The following MYO18A variants were observed in gnomAD, a reference collection of about 807,000 sequenced individuals.
The protein encoded by MYO18A is myosin XVIIIA.
In MYO18A, 78 loss-of-function variants were observed where a neutral mutation model predicts 235.8. The ratio of observed to expected loss-of-function variants is 0.33; its 90% CI spans 0.28 to 0.40. MYO18A has a LOEUF of 0.40. MYO18A is among the 10% of genes least tolerant of loss of function. The probability of loss-of-function intolerance (pLI) is 1.00; values close to 1 mark genes in which losing one functional copy is unlikely to be tolerated. For missense variants in MYO18A, 2,215 were observed against 2,699.3 expected, an observed-to-expected ratio of 0.82 and a Z score of 3.98; for synonymous variants, 977 against 1,077.8, an observed-to-expected ratio of 0.91 and a Z score of 1.83.
intron 28 of MYO18A, 105 bp from the exon 29 acceptor site, chr17:29,095,164 G>A: frequency 7.0e-7 from 1 of 1,430,220 alleles, no homozygotes; most frequent in Non-Finnish European, 9.2e-7. Flanking sequence ...CAGGGGTGGG[G>A]GGACCCATGC....
chr17:29,127,390 G>A (rs138671846), intron 2 of MYO18A, among the ~76,000 whole-genome samples: 4 of 152,296 alleles, frequency 2.6e-5, no homozygotes, highest in Non-Finnish European at 5.9e-5. Context: ...AAGAAATTTT[G>A]GACCTGTATT....
At chr17:29,163,661 G>A (rs969796188) in intron 2 of MYO18A, among the ~76,000 whole-genome samples, 1 of 152,196 alleles carries the variant, frequency 6.6e-6, no homozygotes, top group Non-Finnish European at 1.5e-5. Flanking sequence ...AGTTGGGAAG[G>A]GAAAGCTAGG....
At position 29,120,483 on chromosome 17, in the gene MYO18A, C is replaced by G; in HGVS notation, c.1728+133G>C. Reference sequence around the variant, plus strand: ...ATGCCTCTGGATAGTGCAGGCCAACCCTGCCCATGCCTGGGTCAATTTTGT... The same window carrying G: ...ATGCCTCTGGATAGTGCAGGCCAACGCTGCCCATGCCTGGGTCAATTTTGT... On this transcript the variant is annotated intron_variant, in intron 7 of 41. Transcript: ENST00000527372. This position sits in a 1 kb window ranked among gnomAD's most constrained non-coding sequence, Gnocchi z 4.2. 8.1e-7 allele frequency: 1 copy of G among 1,241,550 alleles called. No homozygotes were observed. The highest frequency in any genetic ancestry group is 1.1e-6 in the Non-Finnish European group (1 of 902,114). 76.9% of individuals were successfully genotyped at this position (1,241,550 alleles called of 1,614,324 possible).
At chr17:29,148,688 T>C (rs1457700168) in intron 2 of MYO18A, among the ~76,000 whole-genome samples, 2 of 152,120 alleles carry the variant, frequency 1.3e-5, no homozygotes, top group South Asian at 4.1e-4. Context: ...GGTGCCAAGA[T>C]TTTTTATGAA....
intron 1 of MYO18A, among the ~76,000 whole-genome samples, chr17:29,173,634 G>T (rs967083515): frequency 6.6e-6 from 1 of 151,174 alleles, no homozygotes; most frequent in Non-Finnish European, 1.5e-5. Flanking sequence ...TGATCCGCCC[G>T]CCTCGGCTCC....
At chr17:29,173,543 G>A (rs772265019) in intron 1 of MYO18A, among the ~76,000 whole-genome samples, 43 of 150,866 alleles carry the variant, frequency 2.9e-4, no homozygotes, top group African/African-American at 2.9e-4. Context: ...GCCCGCCACC[G>A]CGCCTGGCTA....
chr17:29,110,746 A>T, intron 17 of MYO18A, 124 bp from the exon 18 acceptor site: 2 of 937,302 alleles, frequency 2.1e-6, no homozygotes, highest in Non-Finnish European at 3.1e-6. Context: ...GGGCCTGGCT[A>T]CCTGAACTGC....
chr17:29,137,378 A>G (rs76015377), intron 2 of MYO18A, among the ~76,000 whole-genome samples: 2,436 of 152,370 alleles, frequency 0.016, 48 homozygotes, highest in Middle Eastern at 0.037. Flanking sequence ...GCCCATTCTG[A>G]TTCCCAGGGA....
Position 29,124,279 on chromosome 17 carries a change from C to A in MYO18A, c.1000-2026G>T, listed in dbSNP as rs576706364. Among the ~76,000 whole-genome samples the A allele has an allele frequency of 2.6e-5, 4 of 152,340 alleles. No individual in the cohort carries two copies. In the South Asian group the frequency reaches 8.3e-4, roughly 32 times the overall value. Reference sequence around the variant, plus strand: ...AGAATGTCTCACGTTCAGGCATGGGCTGGGAAGAGGGCAGAGATTCTGCCT... The same window carrying A: ...AGAATGTCTCACGTTCAGGCATGGGATGGGAAGAGGGCAGAGATTCTGCCT... On this transcript the variant is annotated intron_variant, in intron 2 of 41. Transcript: ENST00000527372.
intron 11 of MYO18A, 68 bp from the exon 12 acceptor site, chr17:29,115,908 C>G: frequency 6.6e-7 from 1 of 1,506,084 alleles, no homozygotes. Flanking sequence ...GACCTGATGA[C>G]CAGCTGATGA....
chr17:29,160,185 T>C (rs2068143353), intron 2 of MYO18A, among the ~76,000 whole-genome samples: 1 of 152,210 alleles, frequency 6.6e-6, no homozygotes. Flanking sequence ...ATAAACATGC[T>C]TACCTTATAT....
chr17:29,095,779 A>G (rs778503391), intron 28 of MYO18A, among the ~76,000 whole-genome samples: 1 of 152,002 alleles, frequency 6.6e-6, no homozygotes, highest in Admixed American at 6.6e-5. Flanking sequence ...CCTTACCCCA[A>G]CTCCACATCA....
At chr17:29,157,023 C>T (rs1161908853) in intron 2 of MYO18A, among the ~76,000 whole-genome samples, 2 of 152,226 alleles carry the variant, frequency 1.3e-5, no homozygotes. Flanking sequence ...CGAGCCCACT[C>T]TTGGTCAGAG....
intron 1 of MYO18A, among the ~76,000 whole-genome samples, chr17:29,172,748 G>A (rs190122991): frequency 2.6e-5 from 4 of 152,278 alleles, no homozygotes; most frequent in South Asian, 4.1e-4. Context: ...CTTTGTACAT[G>A]GAAAGTAAAG....
At chr17:29,179,464 C>G (rs1362070853) in intron 1 of MYO18A, among the ~76,000 whole-genome samples, 1 of 152,158 alleles carries the variant, frequency 6.6e-6, no homozygotes, top group African/African-American at 2.4e-5. Flanking sequence ...AGCGCACCCC[C>G]ACTAACAAGG....
At position 29,073,787 on chromosome 17, in the gene MYO18A, T is replaced by C. The variant is rs2065915545; in HGVS notation, c.*983A>G. The C allele has an allele frequency of 2.7e-6, 4 of 1,462,244 alleles. No individual in the cohort carries two copies. The highest frequency in any genetic ancestry group is 4.6e-5 in the East Asian group (2 of 43,326). 90.6% of individuals were successfully genotyped at this position (1,462,244 alleles called of 1,614,324 possible). On this transcript the variant is annotated 3_prime_UTR_variant, in exon 42 of 42. Coordinates refer to ENST00000527372, the MANE Select transcript of MYO18A (RefSeq NM_078471.4). ...AATGACACGGGCTCAGGACACAGAGTGAGGACTCATGTCTAATGAGCACCG... is the reference window on the plus strand; with the variant it reads ...AATGACACGGGCTCAGGACACAGAGCGAGGACTCATGTCTAATGAGCACCG...
chr17:29,102,394 C>T (rs547630782), intron 21 of MYO18A, among the ~76,000 whole-genome samples: 3 of 152,314 alleles, frequency 2.0e-5, no homozygotes, highest in South Asian at 4.1e-4. Context: ...GACCCTGCAG[C>T]TGAAGCAAAT....
In MYO18A at chr17:29,114,083, CA is replaced by C. The variant is rs2152833588; in HGVS notation, c.2525del (p.Leu842ArgfsTer97). ...TCGGGGGTTCCAAGTCGTCAAACGC[CA>C]GCTCGATGTTCTCCTGGGAAAGAAG... ...LERYKEENIE[L>X]AFDDLEPPTD... is the part of the protein sequence containing the mutation. On this transcript the variant is annotated frameshift_variant, in exon 15 of 42. Coordinates refer to ENST00000527372, the MANE Select transcript of MYO18A (RefSeq NM_078471.4). LOFTEE classifies it high-confidence loss of function. 1 of 1,598,522 alleles carries C rather than the reference CA, an allele frequency of 6.3e-7. No individual in the cohort carries two copies. The highest frequency in any genetic ancestry group is 1.7e-5 in the Admixed American group (1 of 57,950).
rs2065885650 is a variant in MYO18A at position 29,071,687 on chromosome 17, G to A, written c.*3083C>T. ...GCCAAAGAGAGCATCTCCCTCCATA[G>A]TATGTCCAAAGCAACCTCTTCATCC... On this transcript the variant is annotated 3_prime_UTR_variant, in exon 42 of 42. Transcript: ENST00000527372. The A allele has an allele frequency of 1.3e-5, 2 of 152,178 alleles. No homozygotes were observed. Among genetic ancestry groups the A allele is most frequent in the Non-Finnish European group, 2.9e-5 (2 of 68,032 alleles). 9.4% of individuals were successfully genotyped at this position (152,178 alleles called of 1,614,324 possible).
Sources: allele counts gnomAD v4.1 joint callset (sites outside exome capture counted in the v4.1 genomes callset), GRCh38; gene constraint gnomAD v4.1.1; non-coding constraint Gnocchi (gnomAD v3.1); transcripts MANE v1.5; gene names NCBI Gene and HGNC (gene_info 2026-07-23, HGNC 2026-07-21).